CLIC5: variants seen among roughly 807,000 people sequenced by gnomAD.
CLIC5 encodes chloride intracellular channel protein 5.
In CLIC5, 20 loss-of-function variants were observed where a neutral mutation model predicts 24.7. The ratio of observed to expected loss-of-function variants is 0.81; its 90% CI spans 0.57 to 1.18. The LOEUF is 1.18. Among genes scored for constraint, CLIC5 ranks in the 50% most tolerant of loss-of-function variants. CLIC5 has a pLI of 0.00. For missense variants in CLIC5, 341 were observed against 326.1 expected, an observed-to-expected ratio of 1.05 and a Z score of -0.35; for synonymous variants, 159 against 135.6, an observed-to-expected ratio of 1.17 and a Z score of -1.20.
At chr6:45,952,831 A>G (rs1449761027) in intron 2 of CLIC5, among the ~76,000 whole-genome samples, 1 of 152,142 alleles carries the variant, frequency 6.6e-6, no homozygotes, top group Non-Finnish European at 1.5e-5. Flanking sequence ...TCTCTCACAC[A>G]TGGTAATCCA....
chr6:45,923,520 C>G (rs114695683), intron 4 of CLIC5, among the ~76,000 whole-genome samples: 2,947 of 152,344 alleles, frequency 0.019, 52 homozygotes, highest in Middle Eastern at 0.061. Flanking sequence ...TTTGGTGATT[C>G]TGTGAATATC....
At position 45,886,150 on chromosome 6, in the gene CLIC5, G is replaced by C. The variant is rs142138415; in HGVS notation, c.624-4962C>G. Among the ~76,000 whole-genome samples the C allele has an allele frequency of 3.8e-3, 577 of 152,284 alleles. 4 individuals carry two copies. Among genetic ancestry groups the C allele is most frequent in the African/African-American group, 0.011 (466 of 41,576 alleles). ...GCTTATTTGGGTCACTTCAGAATAC[G>C]TCATGAAATGGGTTGGTCGGTGGTC... is the stretch of plus-strand genomic sequence containing the variant. On this transcript the variant is annotated intron_variant, in intron 6 of 6. Transcript: ENST00000644324.
chr6:46,062,712 C>A (rs555878494), intron 1 of CLIC5, among the ~76,000 whole-genome samples: 1 of 152,340 alleles, frequency 6.6e-6, no homozygotes, highest in East Asian at 1.9e-4. Context: ...AGGAGCAGAG[C>A]TGCTGATCAG....
chr6:46,108,929 A>G, the CLIC5 span, among the ~76,000 whole-genome samples: 1 of 152,222 alleles, frequency 6.6e-6, no homozygotes, highest in Non-Finnish European at 1.5e-5. Context: ...AGAGAGACTT[A>G]TTAGGCTAAT....
intron 1 of CLIC5, among the ~76,000 whole-genome samples, chr6:46,076,982 C>T (rs2127477756): frequency 6.6e-6 from 1 of 151,876 alleles, no homozygotes; most frequent in South Asian, 2.1e-4. Flanking sequence ...ACTAAAAATA[C>T]AAAAATTACC....
chr6:46,015,157 G>C (rs1766952866), intron 1 of CLIC5, among the ~76,000 whole-genome samples: 1 of 152,224 alleles, frequency 6.6e-6, no homozygotes, highest in African/African-American at 2.4e-5. Flanking sequence ...CCGACACCTG[G>C]AGACGTCTTT....
intron 4 of CLIC5, among the ~76,000 whole-genome samples, chr6:45,914,908 C>G (rs929331821): frequency 6.6e-6 from 1 of 151,664 alleles, no homozygotes; most frequent in Non-Finnish European, 1.5e-5. Flanking sequence ...TGAAATAATA[C>G]TAGCCAATTT....
chr6:45,884,182 G>T (rs1355411387), intron 6 of CLIC5, among the ~76,000 whole-genome samples: 1 of 152,152 alleles, frequency 6.6e-6, no homozygotes, highest in Non-Finnish European at 1.5e-5. Context: ...TCCTCTGTTT[G>T]CTGCCTCACA....
chr6:46,031,252 T>C (rs1036880489), intron 1 of CLIC5, among the ~76,000 whole-genome samples: 2 of 152,208 alleles, frequency 1.3e-5, no homozygotes, highest in African/African-American at 4.8e-5. Context: ...CCTCATCCTT[T>C]CTGCAGAATA....
At chr6:45,960,808 G>A (rs969896283) in intron 1 of CLIC5, among the ~76,000 whole-genome samples, 6 of 152,174 alleles carry the variant, frequency 3.9e-5, no homozygotes, top group African/African-American at 1.4e-4. Context: ...GAACTCTGGG[G>A]AGTGGGCTAT....
At chr6:45,981,103 T>C (rs1469843740) in intron 1 of CLIC5, among the ~76,000 whole-genome samples, 1 of 152,050 alleles carries the variant, frequency 6.6e-6, no homozygotes, top group Non-Finnish European at 1.5e-5. Context: ...CCTGAGTAGC[T>C]GAAACTACAA....
At chr6:46,056,078 T>C (rs1450170681) in intron 1 of CLIC5, among the ~76,000 whole-genome samples, 4 of 152,156 alleles carry the variant, frequency 2.6e-5, no homozygotes, top group African/African-American at 9.7e-5. Flanking sequence ...GGTGCAGATG[T>C]TAAATTTTAC....
chr6:45,940,497 A>G (rs964317111), intron 4 of CLIC5, among the ~76,000 whole-genome samples: 5 of 152,160 alleles, frequency 3.3e-5, no homozygotes, highest in African/African-American at 9.7e-5. Context: ...CTCTTTTACC[A>G]TGCATAGCTG....
Position 45,927,076 on chromosome 6 carries a change from G to A in CLIC5, c.407-12667C>T, listed in dbSNP as rs577213741. ...CAGCGGGGACAGGAAGTGGCTGGAG[G>A]ACGTGCCCGTGGCTCTGATGAGGCC... On this transcript the variant is annotated intron_variant, in intron 4 of 5. Transcript: ENST00000339561. Among the ~76,000 whole-genome samples, 462 of 152,298 alleles carry A rather than the reference G, an allele frequency of 3.0e-3. 1 individual carries two copies. The Middle Eastern group carries it at 0.041, about 13-fold the overall frequency.
At chr6:46,120,503 A>G in the CLIC5 span, among the ~76,000 whole-genome samples, 1 of 152,218 alleles carries the variant, frequency 6.6e-6, no homozygotes, top group Non-Finnish European at 1.5e-5. Context: ...AGAAAAACTG[A>G]AAATTCTAAA....
the CLIC5 span, among the ~76,000 whole-genome samples, chr6:46,110,743 G>T: frequency 5.9e-5 from 9 of 152,142 alleles, no homozygotes; most frequent in African/African-American, 2.2e-4. Flanking sequence ...GATATTACAA[G>T]CACAGTCTGT....
the CLIC5 span, among the ~76,000 whole-genome samples, chr6:46,120,934 A>G: frequency 6.6e-6 from 1 of 152,048 alleles, no homozygotes; most frequent in African/African-American, 2.4e-5. Flanking sequence ...GGACTATGTG[A>G]AAAGACCAAA....
At chr6:46,026,045 A>G (rs1453634058) in intron 1 of CLIC5, among the ~76,000 whole-genome samples, 1 of 152,168 alleles carries the variant, frequency 6.6e-6, no homozygotes, top group Non-Finnish European at 1.5e-5. Flanking sequence ...CAGTATGAGA[A>G]CGGACTGATA....
chr6:45,939,824 T>TC (rs2127364558), intron 4 of CLIC5, among the ~76,000 whole-genome samples: 1 of 152,132 alleles, frequency 6.6e-6, no homozygotes, highest in Non-Finnish European at 1.5e-5. Context: ...ACAAGTTTTT[T>TC]TTTTTTTTGT....
Sources: allele counts gnomAD v4.1 joint callset (sites outside exome capture counted in the v4.1 genomes callset), GRCh38; gene constraint gnomAD v4.1.1; transcripts MANE v1.5; gene names NCBI Gene and HGNC (gene_info 2026-07-23, HGNC 2026-07-21).